The following ANO10 variants were observed in gnomAD, a reference collection of about 807,000 sequenced individuals.
ANO10 encodes the protein anoctamin-10.
A neutral mutation model predicts 74.7 loss-of-function variants in ANO10; 77 were observed. The ratio of observed to expected loss-of-function variants is 1.03; its 90% CI spans 0.86 to 1.25. ANO10 has a LOEUF of 1.25. ANO10 is among the 50% of genes most tolerant of loss of function. The pLI is 0.00. For synonymous variants in ANO10, 279 were observed against 284.9 expected, an observed-to-expected ratio of 0.98 and a Z score of 0.21; for missense variants, 721 against 778.1, an observed-to-expected ratio of 0.93 and a Z score of 0.87.
intron 1 of ANO10, among the ~76,000 whole-genome samples, chr3:43,645,076 A>T (rs896379050): frequency 6.6e-6 from 1 of 152,244 alleles, no homozygotes; most frequent in Non-Finnish European, 1.5e-5. Context: ...CAAAGCCAAT[A>T]AACAGTCAAG....
chr3:43,669,733 T>C (rs13082460), intron 1 of ANO10, among the ~76,000 whole-genome samples: 3,410 of 152,100 alleles, frequency 0.022, 60 homozygotes, highest in Non-Finnish European at 0.034. Context: ...TATTTATTTA[T>C]TTATTTATTT....
At chr3:43,584,457 A>G (rs1381649323) in intron 4 of ANO10, among the ~76,000 whole-genome samples, 4 of 152,180 alleles carry the variant, frequency 2.6e-5, no homozygotes, top group Non-Finnish European at 5.9e-5. Context: ...CCCTGAAGGG[A>G]GAGCCGACCA....
At chr3:43,600,869 A>T (rs2082311022) in intron 2 of ANO10, among the ~76,000 whole-genome samples, 1 of 152,176 alleles carries the variant, frequency 6.6e-6, no homozygotes, top group South Asian at 2.1e-4. Flanking sequence ...TAGGTATAAA[A>T]GTGCACCAAA....
rs548079089 is a variant in ANO10, at chr3:43,443,050, G to C, written c.1798-10323C>G. ...CAGTGTCTTCAGGCCCTATGCCCTG[G>C]TGGTCACCCTGAGAAGACGTCTTCA... On this transcript the variant is annotated intron_variant, in intron 11 of 12. Transcript: ENST00000292246. 5.9e-5 allele frequency among the ~76,000 whole-genome samples: 9 copies of C among 152,320 alleles called. No homozygotes were observed. In the East Asian group the frequency reaches 1.7e-3, roughly 29 times the overall value.
chr3:43,518,493 G>A (rs1035240767), intron 11 of ANO10, among the ~76,000 whole-genome samples: 3 of 152,158 alleles, frequency 2.0e-5, no homozygotes, highest in African/African-American at 2.4e-5. Context: ...GGATGGCTGC[G>A]ATTTTCAGGG....
chr3:43,497,415 C>T (rs2076955381), intron 11 of ANO10, among the ~76,000 whole-genome samples: 1 of 152,210 alleles, frequency 6.6e-6, no homozygotes, highest in South Asian at 2.1e-4. Flanking sequence ...CCTCCTCTTT[C>T]TTTGGGAGAA....
intron 1 of ANO10, among the ~76,000 whole-genome samples, chr3:43,608,987 C>T (rs1459850021): frequency 3.9e-5 from 6 of 152,100 alleles, no homozygotes; most frequent in Non-Finnish European, 7.4e-5. Flanking sequence ...ACTCCCCTAC[C>T]GCCTTTTAAA....
At position 43,516,499 on chromosome 3, in the gene ANO10, T is replaced by TG. The variant is rs565506568; in HGVS notation, c.1797+33220dup. ...AGATTACAGAGGACCTTGAATCCCT[T>TG]GTTAAGGAGGCTGGACTTTATTTTG... On this transcript the variant is annotated intron_variant, in intron 11 of 12. Coordinates refer to ENST00000292246, the MANE Select transcript of ANO10 (RefSeq NM_018075.5). Among the ~76,000 whole-genome samples, 445 of 152,276 alleles carry TG rather than the reference T, an allele frequency of 2.9e-3. 1 individual carries two copies. The highest frequency in any genetic ancestry group is 4.8e-3 in the Non-Finnish European group (329 of 68,018).
At chr3:43,527,036 A>AAC (rs56025632) in intron 11 of ANO10, among the ~76,000 whole-genome samples, 41,068 of 146,750 alleles carry the variant, frequency 0.28, 5,811 homozygotes, top group Middle Eastern at 0.4. Flanking sequence ...ATGGATGTAA[A>AAC]ACACACACAC....
At chr3:43,624,787 A>G (rs544185539), upstream of ANO10, among the ~76,000 whole-genome samples, 1 of 152,362 alleles carries the variant, frequency 6.6e-6, no homozygotes, top group East Asian at 1.9e-4. Context: ...CGCAGGAGGG[A>G]TGGAGTAGGA....
chr3:43,686,326 T>A (rs1053855923), intron 1 of ANO10, among the ~76,000 whole-genome samples: 4 of 152,142 alleles, frequency 2.6e-5, no homozygotes, highest in African/African-American at 9.7e-5. Flanking sequence ...CACTCTGTCA[T>A]CCAGCCTGGG....
intron 1 of ANO10, among the ~76,000 whole-genome samples, chr3:43,632,675 G>T (rs1187632971): frequency 2.0e-5 from 3 of 152,174 alleles, no homozygotes; most frequent in African/African-American, 7.2e-5. Context: ...ATGTTTTGCT[G>T]CCCTAAATAT....
At chr3:43,464,552 T>C (rs1056596647) in intron 11 of ANO10, among the ~76,000 whole-genome samples, 1 of 152,214 alleles carries the variant, frequency 6.6e-6, no homozygotes, top group East Asian at 1.9e-4. Flanking sequence ...TGTTGGCACA[T>C]GCCTATAGTC....
At chr3:43,542,952 A>T (rs1395292089) in intron 11 of ANO10, among the ~76,000 whole-genome samples, 1 of 152,178 alleles carries the variant, frequency 6.6e-6, no homozygotes, top group African/African-American at 2.4e-5. Flanking sequence ...ACACATAATC[A>T]GAGTTATACA....
intron 9 of ANO10, among the ~76,000 whole-genome samples, chr3:43,559,018 A>G (rs1200830744): frequency 1.3e-5 from 2 of 152,242 alleles, no homozygotes; most frequent in Non-Finnish European, 1.5e-5. Context: ...CCTGTGGTGT[A>G]TAACAGAAAG....
Position 43,553,133 on chromosome 3 carries a change from AT to A in ANO10, c.1668+2144del, listed in dbSNP as rs148412257. On this transcript the variant is annotated intron_variant, in intron 10 of 12. Transcript: ENST00000292246. ...ACAATACTTTAAGGACCTGAAAAAT[AT>A]TTTGCCACTTTCTTCTGGCCTCCAT... is the stretch of plus-strand genomic sequence containing the variant. 7.7e-3 allele frequency among the ~76,000 whole-genome samples: 1,176 copies of A among 152,180 alleles called. 12 individuals are homozygous for A. The highest frequency in any genetic ancestry group is 0.024 in the African/African-American group (1,007 of 41,534).
chr3:43,615,003 A>G (rs950494094), intron 1 of ANO10, among the ~76,000 whole-genome samples: 3 of 151,262 alleles, frequency 2.0e-5, no homozygotes, highest in Non-Finnish European at 4.4e-5. Context: ...AGACCCAACT[A>G]TATTTATTAA....
At chr3:43,551,769 A>AT (rs776730259) in intron 10 of ANO10, among the ~76,000 whole-genome samples, 1 of 152,092 alleles carries the variant, frequency 6.6e-6, no homozygotes, top group Non-Finnish European at 1.5e-5. Flanking sequence ...CTTTTGATTA[A>AT]TATTTCCATA....
At chr3:43,691,015 T>A in intron 1 of ANO10, 3 of 1,554,668 alleles carry the variant, frequency 1.9e-6, no homozygotes, top group Middle Eastern at 1.7e-4. Context: ...GAGGAGGAGG[T>A]GGACTCTGCC....
Sources: gnomAD v4.1 joint callset for allele counts (sites outside exome capture counted in the v4.1 genomes callset) on GRCh38, gnomAD v4.1.1 for gene constraint, MANE v1.5 for transcripts, NCBI Gene and HGNC (gene_info 2026-07-23, HGNC 2026-07-21) for gene names.